The following TCF12 variants were observed in gnomAD, a reference collection of about 807,000 sequenced individuals.
The protein encoded by TCF12 is transcription factor 12.
In TCF12, 45 loss-of-function variants were observed where a neutral mutation model predicts 86.0. The observed-to-expected ratio is 0.52, with a 90% CI of 0.41 to 0.67. The LOEUF is 0.67. TCF12 is among the 30% of genes least tolerant of loss of function. The pLI is 0.00. For synonymous variants in TCF12, 330 were observed against 299.6 expected (o/e 1.10, Z -1.05); for missense variants, 881 against 859.9 (o/e 1.02, Z -0.31).
At chr15:57,181,020 T>C (rs2056311991) in intron 6 of TCF12, among the ~76,000 whole-genome samples, 1 of 151,786 alleles carries the variant, frequency 6.6e-6, no homozygotes, top group Non-Finnish European at 1.5e-5. Flanking sequence ...TTCACTGTGT[T>C]AGCCAGGATA....
chr15:57,108,109 G>A (rs1425130202), intron 5 of TCF12, among the ~76,000 whole-genome samples: 1 of 152,198 alleles, frequency 6.6e-6, no homozygotes, highest in African/African-American at 2.4e-5. Context: ...TAGGAAATGG[G>A]AAGCATCAAA....
At chr15:56,953,302 G>GT in intron 3 of TCF12, among the ~76,000 whole-genome samples, 1 of 151,976 alleles carries the variant, frequency 6.6e-6, no homozygotes, top group African/African-American at 2.4e-5. Context: ...TTGCTTTGTA[G>GT]TTTTTTTCAA....
At chr15:56,950,575 G>T (rs1460718882) in intron 3 of TCF12, among the ~76,000 whole-genome samples, 1 of 151,968 alleles carries the variant, frequency 6.6e-6, no homozygotes, top group Non-Finnish European at 1.5e-5. Context: ...GCTCTGTTTT[G>T]TCTGGCTTAA....
rs552764011 is a variant in TCF12 at position 57,036,373 on chromosome 15, C to G, written c.149-27377C>G. Among the ~76,000 whole-genome samples, 4 of 152,152 alleles carry G rather than the reference C, an allele frequency of 2.6e-5. No homozygotes were observed. The South Asian group carries it at 8.3e-4, about 32-fold the overall frequency. On this transcript the variant is annotated intron_variant, in intron 3 of 20. Coordinates refer to ENST00000333725, the MANE Select transcript of TCF12 (RefSeq NM_207037.2). ...TCTGGCATTTCTCTTTGGTAGGTACCTAGAAGTAAAATTGCCAGGTCATGT... is the reference window on the plus strand; with the variant it reads ...TCTGGCATTTCTCTTTGGTAGGTACGTAGAAGTAAAATTGCCAGGTCATGT...
At chr15:57,075,845 T>G (rs374091931) in intron 4 of TCF12, among the ~76,000 whole-genome samples, 15 of 129,830 alleles carry the variant, frequency 1.2e-4, no homozygotes, top group East Asian at 2.7e-4. Context: ...TTTTCTTTCT[T>G]TCTTTCTTTC....
chr15:56,982,004 G>A (rs2062918432), intron 3 of TCF12, among the ~76,000 whole-genome samples: 1 of 152,026 alleles, frequency 6.6e-6, no homozygotes, highest in Admixed American at 6.6e-5. Context: ...CTTTTATTGG[G>A]GGAAAAAAAC....
At chr15:57,128,053 C>T (rs1436063749) in intron 5 of TCF12, among the ~76,000 whole-genome samples, 1 of 152,024 alleles carries the variant, frequency 6.6e-6, no homozygotes, top group Non-Finnish European at 1.5e-5. Flanking sequence ...CCATGACTGA[C>T]TCATTTGGAG....
At chr15:57,127,999 G>T (rs553799821) in intron 5 of TCF12, among the ~76,000 whole-genome samples, 117 of 152,110 alleles carry the variant, frequency 7.7e-4, no homozygotes, top group Non-Finnish European at 1.4e-3. Context: ...TTAAAAAGGG[G>T]GATATAATGT....
Position 57,234,067 on chromosome 15 carries a change from G to C in TCF12, c.995G>C (p.Ser332Thr), listed in dbSNP as rs763006241. ...ILGTRGNAAG[S>T]SQTGDALGKA... The stretch of plus-strand genomic sequence containing the variant: ...GGAACCAGAGGGAATGCTGCTGGAA[G>C]CTCACAGACAGGTGATGCACTTGGA... Residue 332 changes from serine (S) to threonine (T), a missense_variant, in exon 12 of 21, where the codon AGC becomes ACC. By Grantham distance (58) the Ser-to-Thr change is moderately conservative. Coordinates refer to ENST00000333725, the MANE Select transcript of TCF12 (RefSeq NM_207037.2). 3.1e-6 allele frequency: 5 copies of C among 1,613,632 alleles called. No homozygotes were observed. The highest frequency in any genetic ancestry group is 1.7e-4 in the Middle Eastern group (1 of 6,056).
intron 4 of TCF12, among the ~76,000 whole-genome samples, chr15:57,080,480 A>G (rs888206986): frequency 5.9e-5 from 9 of 152,172 alleles, no homozygotes; most frequent in African/African-American, 1.9e-4. Flanking sequence ...GAATTGAGGA[A>G]GGGGATAATA....
intron 12 of TCF12, among the ~76,000 whole-genome samples, chr15:57,242,069 T>C (rs1042387497): frequency 6.6e-6 from 1 of 152,164 alleles, no homozygotes; most frequent in Non-Finnish European, 1.5e-5. Context: ...ATAATCTGGC[T>C]TTGTCAAATC....
At chr15:56,964,227 G>A (rs2061900426) in intron 3 of TCF12, among the ~76,000 whole-genome samples, 1 of 152,230 alleles carries the variant, frequency 6.6e-6, no homozygotes, top group East Asian at 1.9e-4. Context: ...TAAAGTTTTG[G>A]TAGAATCAGT....
At chr15:57,067,273 G>T (rs900444403) in intron 4 of TCF12, among the ~76,000 whole-genome samples, 2 of 152,138 alleles carry the variant, frequency 1.3e-5, no homozygotes, top group Admixed American at 6.5e-5. Context: ...GGGCGCGGTG[G>T]CTCACGCCTG....
At chr15:56,964,943 G>T (rs2140636131) in intron 3 of TCF12, among the ~76,000 whole-genome samples, 1 of 152,210 alleles carries the variant, frequency 6.6e-6, no homozygotes, top group Non-Finnish European at 1.5e-5. Context: ...TTTAATGTTT[G>T]GTCCCAGAGC....
At chr15:57,050,986 C>A (rs2141571972) in intron 3 of TCF12, among the ~76,000 whole-genome samples, 1 of 152,276 alleles carries the variant, frequency 6.6e-6, no homozygotes, top group Middle Eastern at 3.4e-3. Flanking sequence ...TCTTTGTCAT[C>A]CTCGGATATG....
chr15:57,170,316 G>A (rs1296353704), intron 6 of TCF12, among the ~76,000 whole-genome samples: 1 of 151,048 alleles, frequency 6.6e-6, no homozygotes, highest in African/African-American at 2.4e-5. Context: ...TGTCACCCAG[G>A]CTGGAGTACA....
chr15:57,018,473 A>T (rs1311430195), intron 3 of TCF12, among the ~76,000 whole-genome samples: 1 of 150,976 alleles, frequency 6.6e-6, no homozygotes, highest in Non-Finnish European at 1.5e-5. Context: ...TTTTATTTTT[A>T]TTTTTTTGAG....
At chr15:57,223,284 A>T (rs548521688) in intron 8 of TCF12, among the ~76,000 whole-genome samples, 1 of 152,160 alleles carries the variant, frequency 6.6e-6, no homozygotes, top group East Asian at 1.9e-4. Context: ...CATGTAAATT[A>T]GTCTCCATAG....
intron 3 of TCF12, among the ~76,000 whole-genome samples, chr15:56,980,607 C>T (rs1419229153): frequency 5.3e-5 from 8 of 152,166 alleles, no homozygotes; most frequent in East Asian, 1.9e-4. Context: ...GCTCATGCTG[C>T]GCCTGCTGTT....
Sources: allele counts gnomAD v4.1 joint callset (sites outside exome capture counted in the v4.1 genomes callset), GRCh38; gene constraint gnomAD v4.1.1; transcripts MANE v1.5; gene names NCBI Gene and HGNC (gene_info 2026-07-23, HGNC 2026-07-21).